TMEM41B: variants seen among roughly 807,000 people sequenced by gnomAD.
TMEM41B encodes the protein protein stasimon.
In TMEM41B, 18 loss-of-function variants were observed where a neutral mutation model predicts 31.9. The ratio of observed to expected loss-of-function variants is 0.56; its 90% CI spans 0.39 to 0.84. The LOEUF (loss-of-function observed/expected upper bound fraction) is 0.84, where lower values mean the gene tolerates loss of function less well. Ranked by LOEUF, TMEM41B falls within the 40% of genes least tolerant of loss-of-function variation. The probability of loss-of-function intolerance (pLI) is 0.00; values close to 1 mark genes in which losing one functional copy is unlikely to be tolerated. For synonymous variants in TMEM41B, 144 were observed against 124.3 expected (o/e 1.16, Z -1.05); for missense variants, 322 against 348.0 (o/e 0.93, Z 0.59).
intron 1 of TMEM41B, among the ~76,000 whole-genome samples, chr11:9,312,086 T>C (rs1485743797): frequency 6.6e-6 from 1 of 152,182 alleles, no homozygotes; most frequent in East Asian, 1.9e-4. Flanking sequence ...CATCGCCTAC[T>C]ACCACCCAAC....
rs991827476 is a variant in TMEM41B, at chr11:9,308,337, C to T, written c.121+5984G>A. Among the ~76,000 whole-genome samples the T allele has an allele frequency of 2.3e-4, 35 of 152,178 alleles. No homozygotes were observed. In the East Asian group the frequency reaches 2.3e-3, roughly 10 times the overall value. The stretch of plus-strand genomic sequence containing the variant: ...CAGCCTGGGCAACAGAGCAAGACAC[C>T]GCACCTGGCCAACCTTGGACATTTT... On this transcript the variant is annotated intron_variant, in intron 1 of 6. Transcript: ENST00000528080.
intron 1 of TMEM41B, among the ~76,000 whole-genome samples, chr11:9,311,987 T>C (rs909805806): frequency 6.6e-6 from 1 of 152,232 alleles, no homozygotes; most frequent in African/African-American, 2.4e-5. Flanking sequence ...GTCAAAGTTA[T>C]ATATGTGTCA....
rs567701149 is a variant in TMEM41B at position 9,297,659 on chromosome 11, C to A, written c.239+1925G>T. ...TAAGCCAAGATTGCACCACGGCACT[C>A]CAGCCTGGGCGACAGAGTGAGACTC... is the stretch of plus-strand genomic sequence containing the variant. On this transcript the variant is annotated intron_variant, in intron 2 of 6. Transcript: ENST00000528080. 1.1e-4 allele frequency among the ~76,000 whole-genome samples: 17 copies of A among 151,992 alleles called. No individual in the cohort carries two copies. In the East Asian group the frequency reaches 2.7e-3, roughly 24 times the overall value.
chr11:9,310,067 A>C (rs1853519904), intron 1 of TMEM41B, among the ~76,000 whole-genome samples: 1 of 148,458 alleles, frequency 6.7e-6, no homozygotes, highest in African/African-American at 2.5e-5. Context: ...ATGGAGTCTC[A>C]CTCTATCACC....
chr11:9,288,567 A>T (rs75446893), intron 3 of TMEM41B, 32 bp from the exon 4 acceptor site: 112,487 of 1,412,224 alleles, frequency 0.08, 5,146 homozygotes, highest in South Asian at 0.1. Flanking sequence ...ATTAGAATAT[A>T]ATTAAGTAGA....
chr11:9,288,323 T>G (rs1337171577), intron 4 of TMEM41B, 119 bp downstream of exon 4: 2 of 688,996 alleles, frequency 2.9e-6, no homozygotes, highest in African/African-American at 3.7e-5. Context: ...GACTTTAACA[T>G]TAACTCCTCT....
rs1300574409 is a variant in TMEM41B, at chr11:9,283,375, T to C, written c.*49A>G. 6.9e-7 allele frequency: 1 copy of C among 1,447,242 alleles called. No individual in the cohort carries two copies. The highest frequency in any genetic ancestry group is 2.4e-5 in the East Asian group (1 of 42,508). 89.7% of individuals were successfully genotyped at this position (1,447,242 alleles called of 1,614,324 possible). A position where few individuals can be genotyped will look rare whatever the true frequency, so the allele number is the denominator to read the frequency against. ...TTAAAACATAAATGGATGCACCTGT[T>C]AATCCTGAGATGGTGATGACAGCAA... On this transcript the variant is annotated 3_prime_UTR_variant, in exon 7 of 7. Coordinates refer to ENST00000528080, the MANE Select transcript of TMEM41B (RefSeq NM_015012.4).
intron 4 of TMEM41B, 168 bp from the exon 5 acceptor site, chr11:9,287,974 T>C (rs961703781): frequency 1.6e-6 from 1 of 615,300 alleles, no homozygotes; most frequent in Non-Finnish European, 2.8e-6. Context: ...CAGACCAAAA[T>C]GTACCTCAAA....
chr11:9,314,364 C>A lies in TMEM41B; in HGVS notation c.78G>T (p.Gly26=). The A allele has an allele frequency of 6.3e-7, 1 of 1,585,746 alleles. No individual in the cohort carries two copies. Among genetic ancestry groups the A allele is most frequent in the East Asian group, 2.3e-5 (1 of 42,774 alleles). The change falls in exon 1 of 7, where the codon GGG becomes GGT. Residue 26 remains glycine (G), a synonymous_variant. Coordinates refer to ENST00000528080, the MANE Select transcript of TMEM41B (RefSeq NM_015012.4). Reference sequence around the variant, plus strand: ...TGCCAGGCGCCGCGAGACCCCGCGTCCCCGCTGCCCCGTCCCCCACGGGGG... The same window carrying A: ...TGCCAGGCGCCGCGAGACCCCGCGTACCCGCTGCCCCGTCCCCCACGGGGG... ...HTTPVGDGAA[G]TRGLAAPGSR... is the part of the protein sequence containing the mutation.
chr11:9,310,029 A>C (rs1853517479), intron 1 of TMEM41B, among the ~76,000 whole-genome samples: 1 of 150,022 alleles, frequency 6.7e-6, no homozygotes, highest in Non-Finnish European at 1.5e-5. Flanking sequence ...CAAGTAATGT[A>C]TTATTATTAT....
In TMEM41B at chr11:9,302,101, G is replaced by C. The variant is rs1347847672; in HGVS notation, c.122-2400C>G. 1.8e-5 allele frequency among the ~76,000 whole-genome samples: 2 copies of C among 112,022 alleles called. 1 individual carries two copies. The highest frequency in any genetic ancestry group is 6.9e-5 in the African/African-American group (2 of 28,804). 73.5% of individuals were successfully genotyped at this position (112,022 alleles called of 152,430 possible). On this transcript the variant is annotated intron_variant, in intron 1 of 6. Transcript: ENST00000528080. ...AGCTCACTGCAACCTCCGCCTCCCGGGTTCACGCCATTCTCCTGCCTCAGC... is the reference window on the plus strand; with the variant it reads ...AGCTCACTGCAACCTCCGCCTCCCGCGTTCACGCCATTCTCCTGCCTCAGC...
At chr11:9,296,581 CTG>C (rs1853091886) in intron 2 of TMEM41B, among the ~76,000 whole-genome samples, 1 of 136,044 alleles carries the variant, frequency 7.4e-6, no homozygotes, top group Non-Finnish European at 1.5e-5. Context: ...AGCCTCCAGC[CTG>C]GGCAACAGAG....
At position 9,314,380 on chromosome 11, in the gene TMEM41B, C is replaced by A; in HGVS notation, c.62G>T (p.Gly21Val). The change falls in exon 1 of 7, where the codon GGG becomes GTG. Residue 21 changes from glycine (G) to valine (V), a missense_variant. Physicochemically the swap from Gly to Val is moderately radical, Grantham distance 109. Coordinates refer to ENST00000528080, the MANE Select transcript of TMEM41B (RefSeq NM_015012.4). ...ACCCCGCGTCCCCGCTGCCCCGTCC[C>A]CCACGGGGGTCGTGTGGTGAGCGCC... ...QLGAHHTTPV[G>V]DGAAGTRGLA... 1 of 1,579,000 alleles carries A rather than the reference C, an allele frequency of 6.3e-7. No homozygotes were observed. The highest frequency in any genetic ancestry group is 8.6e-7 in the Non-Finnish European group (1 of 1,163,132).
chr11:9,284,584 G>GCA (rs1199127632), intron 6 of TMEM41B, among the ~76,000 whole-genome samples: 13 of 152,166 alleles, frequency 8.5e-5, no homozygotes, highest in African/African-American at 2.2e-4. Flanking sequence ...CCAACATGAT[G>GCA]AAGCTCCATC....
At chr11:9,308,377 T>C (rs920132593) in intron 1 of TMEM41B, among the ~76,000 whole-genome samples, 6 of 152,122 alleles carry the variant, frequency 3.9e-5, no homozygotes, top group South Asian at 2.1e-4. Flanking sequence ...CAATAAATCA[T>C]TAAGATGGAG....
intron 1 of TMEM41B, chr11:9,311,609 G>A: frequency 1.0e-6 from 1 of 1,003,686 alleles, no homozygotes; most frequent in East Asian, 2.4e-5. Context: ...GTGGTGAGTG[G>A]GCAGGATTGG....
rs558419724 is a variant in TMEM41B, at chr11:9,280,732, A to G, written c.*2692T>C. On this transcript the variant is annotated 3_prime_UTR_variant, in exon 7 of 7. Transcript: ENST00000528080. ...AAGTGTCATGGAAATATTATACTCA[A>G]AATAACAGAGCTCCAGAGAAAGACA... The G allele has an allele frequency of 6.6e-6, 1 of 152,336 alleles. No homozygotes were observed. The highest frequency in any genetic ancestry group is 2.4e-5 in the African/African-American group (1 of 41,574). The allele number at this position is 152,336 out of a possible 1,614,324, so 9.4% of individuals were successfully genotyped here. A position where few individuals can be genotyped will look rare whatever the true frequency, so the allele number is the denominator to read the frequency against.
At chr11:9,290,443 C>T (rs1039670893) in intron 3 of TMEM41B, among the ~76,000 whole-genome samples, 6 of 151,896 alleles carry the variant, frequency 4.0e-5, no homozygotes, top group Admixed American at 1.3e-4. Flanking sequence ...TAGAAATACT[C>T]AATGTAAATG....
intron 3 of TMEM41B, among the ~76,000 whole-genome samples, 194 bp from the exon 4 acceptor site, chr11:9,288,729 C>T (rs1006493231): frequency 2.6e-5 from 4 of 151,992 alleles, no homozygotes; most frequent in African/African-American, 9.6e-5. Context: ...AAAAGGTTTC[C>T]AAGACAAAAA....
Sources: gnomAD v4.1 joint callset for allele counts (sites outside exome capture counted in the v4.1 genomes callset) on GRCh38, gnomAD v4.1.1 for gene constraint, MANE v1.5 for transcripts, NCBI Gene and HGNC (gene_info 2026-07-23, HGNC 2026-07-21) for gene names.